Variants in TRA2A observed in about 807,000 individuals in gnomAD.
TRA2A encodes the protein transformer 2 alpha homolog.
In TRA2A, 31 loss-of-function variants were observed where a neutral mutation model predicts 45.7. The ratio of observed to expected loss-of-function variants is 0.68; its 90% CI spans 0.51 to 0.92. The LOEUF (loss-of-function observed/expected upper bound fraction) is 0.92. Ranked by LOEUF, TRA2A falls within the 40% of genes least tolerant of loss-of-function variation. The probability of loss-of-function intolerance (pLI) is 0.00; values close to 1 mark genes in which losing one functional copy is unlikely to be tolerated. For missense variants in TRA2A, 304 were observed against 367.5 expected, an observed-to-expected ratio of 0.83 and a Z score of 1.41; for synonymous variants, 132 against 126.2, an observed-to-expected ratio of 1.05 and a Z score of -0.31.
At chr7:23,516,335 T>C in intron 3 of TRA2A, 28 bp downstream of exon 3, 2 of 1,610,940 alleles carry the variant, frequency 1.2e-6, no homozygotes, top group Non-Finnish European at 1.7e-6. Flanking sequence ...AGAAAATAAG[T>C]CTTCATTAAC....
intron 5 of TRA2A, 114 bp downstream of exon 5, chr7:23,507,306 T>C: frequency 1.3e-6 from 1 of 795,180 alleles, no homozygotes; most frequent in Non-Finnish European, 2.1e-6. Flanking sequence ...TTTTGCCATG[T>C]TGCCCCTTGC....
chr7:23,507,468 T>C lies in TRA2A; in HGVS notation c.593A>G (p.Lys198Arg). The C allele has an allele frequency of 1.2e-6, 2 of 1,614,222 alleles. No homozygotes were observed. The highest frequency in any genetic ancestry group is 2.2e-5 in the East Asian group (1 of 44,880). ...GCCTGGTGTTGGTGTGTGCGCTCTC[T>C]TGGTTATAGAATAATCCACCCGAAT... The part of the protein sequence containing the change: ...RRIRVDYSIT[K>R]RAHTPTPGIY... Residue 198 changes from lysine (K) to arginine (R), a missense_variant, in exon 5 of 8, where the codon AAG (lysine) becomes AGG (arginine). Around this residue, in one of 3 missense-constraint regions of TRA2A, gnomAD observed 130 missense variants for 217.1 expected, o/e 0.60. Transcript: ENST00000297071.
chr7:23,519,958 T>C (rs1256355634), intron 2 of TRA2A, among the ~76,000 whole-genome samples: 1 of 152,238 alleles, frequency 6.6e-6, no homozygotes, highest in Non-Finnish European at 1.5e-5. Context: ...CTGGGCGCAG[T>C]GGCTCACGCC....
chr7:23,526,322 A>G (rs1790339393), intron 1 of TRA2A, among the ~76,000 whole-genome samples: 1 of 152,240 alleles, frequency 6.6e-6, no homozygotes, highest in Non-Finnish European at 1.5e-5. Flanking sequence ...ATTCTATGCC[A>G]TTTAATAGGG....
intron 5 of TRA2A, 129 bp downstream of exon 5, chr7:23,507,291 C>G (rs1025666118): frequency 5.8e-5 from 40 of 684,980 alleles, no homozygotes; most frequent in Non-Finnish European, 9.5e-5. Context: ...TTAGTAGAAG[C>G]AGGGTTTTGC....
chr7:23,508,302 G>C lies in TRA2A; in HGVS notation c.526-767C>G, dbSNP rs148357718. ...AAAAAAAAAAAAAAAAAAAAAGGAG[G>C]TCTCACTCCATTGCCCAGGCTGGCA... On this transcript the variant is annotated intron_variant, in intron 4 of 7. Transcript: ENST00000297071. 8.8e-3 allele frequency among the ~76,000 whole-genome samples: 1,291 copies of C among 146,066 alleles called. 17 individuals are homozygous for C. Among genetic ancestry groups the C allele is most frequent in the African/African-American group, 0.03 (1,197 of 39,298 alleles).
In TRA2A at chr7:23,512,941, G is replaced by A. The variant is rs1789693809; in HGVS notation, c.478C>T (p.Arg160Ter). The change falls in exon 4 of 8, where the codon CGA (arginine) becomes TGA (stop). Residue 160 changes from arginine (R) to a stop codon, truncating the protein, a stop_gained. Transcript: ENST00000297071. LOFTEE classifies it high-confidence loss of function. ...VVYDQRTGRS[R>*]GFAFVYFERI... ...TCAAAATACACAAAAGCAAATCCTC[G>A]AGATCGCCCAGTTCGCTGATCATAA... 3.1e-6 allele frequency: 5 copies of A among 1,613,052 alleles called. No homozygotes were observed. The highest frequency in any genetic ancestry group is 3.4e-6 in the Non-Finnish European group (4 of 1,179,814).
rs1383059568 is a variant in TRA2A, at chr7:23,517,208, C to A, written c.171-680G>T. Among the ~76,000 whole-genome samples, 4 of 141,682 alleles carry A rather than the reference C, an allele frequency of 2.8e-5. No homozygotes were observed. In the East Asian group the frequency reaches 8.8e-4, roughly 31 times the overall value. The allele number at this position is 141,682 out of a possible 152,430, so 92.9% of individuals were successfully genotyped here. On this transcript the variant is annotated intron_variant, in intron 2 of 7. Transcript: ENST00000297071. ...GCAAGAAAAATCACTTGGGGCCGGGCACGGTGGCTCATGCCTGTAATCCCA... is the reference window on the plus strand; with the variant it reads ...GCAAGAAAAATCACTTGGGGCCGGGAACGGTGGCTCATGCCTGTAATCCCA...
chr7:23,530,896 TAAAG>T (rs1414027826), intron 1 of TRA2A, among the ~76,000 whole-genome samples: 6 of 148,832 alleles, frequency 4.0e-5, no homozygotes, highest in Non-Finnish European at 7.4e-5. Context: ...TATGTAAGAT[TAAAG>T]AAAGACAGAT....
chr7:23,531,913 G>A lies in TRA2A; in HGVS notation c.-89C>T, dbSNP rs1415337158. The A allele has an allele frequency of 1.0e-5, 15 of 1,465,918 alleles. No individual in the cohort carries two copies. Among genetic ancestry groups the A allele is most frequent in the African/African-American group, 1.4e-5 (1 of 72,006 alleles). The allele number at this position is 1,465,918 out of a possible 1,614,324, so 90.8% of individuals were successfully genotyped here. A position where few individuals can be genotyped will look rare whatever the true frequency, so the allele number is the denominator to read the frequency against. On this transcript the variant is annotated 5_prime_UTR_variant, in exon 1 of 8. Coordinates refer to ENST00000297071, the MANE Select transcript of TRA2A (RefSeq NM_013293.5). Reference sequence around the variant, plus strand: ...ATTAACCCGCTGACTGGACCGTGGGGAAGAGGAAAGAGTCGGCAACCACAG... The same window carrying A: ...ATTAACCCGCTGACTGGACCGTGGGAAAGAGGAAAGAGTCGGCAACCACAG...
chr7:23,515,114 A>G (rs1328829186), intron 3 of TRA2A, among the ~76,000 whole-genome samples: 2 of 152,302 alleles, frequency 1.3e-5, no homozygotes, highest in East Asian at 3.8e-4. Flanking sequence ...TGATTACTAC[A>G]AAGTTTTTAA....
intron 1 of TRA2A, chr7:23,531,373 C>T (rs976980523): frequency 9.1e-6 from 4 of 441,142 alleles, no homozygotes; most frequent in African/African-American, 8.4e-5. Context: ...AGACCCTCTA[C>T]GATGCTCGGG....
At chr7:23,515,322 C>T (rs1369810713) in intron 3 of TRA2A, among the ~76,000 whole-genome samples, 1 of 149,638 alleles carries the variant, frequency 6.7e-6, no homozygotes, top group East Asian at 2.0e-4. Context: ...CTCTGCCTCC[C>T]GGGTTCACAC....
At position 23,518,675 on chromosome 7, in the gene TRA2A, GTTT is replaced by G. The variant is rs199848477; in HGVS notation, c.171-2150_171-2148del. Among the ~76,000 whole-genome samples the G allele has an allele frequency of 2.6e-3, 357 of 139,874 alleles. 3 individuals are homozygous for G. In the East Asian group the frequency reaches 0.048, roughly 19 times the overall value. 91.8% of individuals were successfully genotyped at this position (139,874 alleles called of 152,430 possible). A position where few individuals can be genotyped will look rare whatever the true frequency, so the allele number is the denominator to read the frequency against. ...TAACATTTCTGAGTCTTCATTTCTT[GTTT>G]TTTTTTTTTTTTCCCCCTTCTTGAG... On this transcript the variant is annotated intron_variant, in intron 2 of 7. Coordinates refer to ENST00000297071, the MANE Select transcript of TRA2A (RefSeq NM_013293.5).
At chr7:23,528,500 C>G (rs1181160531) in intron 1 of TRA2A, among the ~76,000 whole-genome samples, 1 of 152,090 alleles carries the variant, frequency 6.6e-6, no homozygotes, top group Admixed American at 6.6e-5. Flanking sequence ...GCCACCGGGC[C>G]GGCCTTGTTT....
chr7:23,509,704 G>C (rs1375018064), intron 4 of TRA2A, among the ~76,000 whole-genome samples: 1 of 150,744 alleles, frequency 6.6e-6, no homozygotes, highest in Non-Finnish European at 1.5e-5. Flanking sequence ...CTGCCCTCCA[G>C]CCTGGCAACA....
intron 1 of TRA2A, among the ~76,000 whole-genome samples, chr7:23,525,528 TC>T (rs2127999958): frequency 6.6e-6 from 1 of 152,322 alleles, no homozygotes; most frequent in African/African-American, 2.4e-5. Context: ...CTCCAGTCTA[TC>T]TTATAGGCTA....
Position 23,516,535 on chromosome 7 carries a change from G to A in TRA2A, c.171-7C>T, listed in dbSNP as rs764659204. On this transcript the variant is annotated splice_region_variant and splice_polypyrimidine_tract_variant and intron_variant, in intron 2 of 7. Coordinates refer to ENST00000297071, the MANE Select transcript of TRA2A (RefSeq NM_013293.5). The stretch of plus-strand genomic sequence containing the variant: ...ATGTCTCCTTGACCTCGACCTTTGA[G>A]AGAAATACATTTAGGTAAAAATACT... 6 of 1,613,406 alleles carry A rather than the reference G, an allele frequency of 3.7e-6. No individual in the cohort carries two copies. In the South Asian group the frequency reaches 6.6e-5, roughly 18 times the overall value.
At chr7:23,531,308 G>C (rs1052752303) in intron 1 of TRA2A, 73 of 950,484 alleles carry the variant, frequency 7.7e-5, no homozygotes, top group Non-Finnish European at 8.9e-5. Flanking sequence ...GCCCCAGCTA[G>C]TCCCACGCCA....
Sources: allele counts gnomAD v4.1 joint callset (sites outside exome capture counted in the v4.1 genomes callset), GRCh38; gene constraint gnomAD v4.1.1; regional missense constraint gnomAD v4.1.1; transcripts MANE v1.5; gene names NCBI Gene and HGNC (gene_info 2026-07-23, HGNC 2026-07-21).